The following PIGS variants were observed in gnomAD, a reference collection of about 807,000 sequenced individuals.
The protein encoded by PIGS is GPI-anchor transamidase component PIGS.
PIGS carries 37 observed loss-of-function variants against 58.2 expected under a neutral mutation model. The observed-to-expected ratio is 0.64, with a 90% CI of 0.49 to 0.84. The LOEUF is 0.84. Among genes scored for constraint, PIGS ranks in the 40% least tolerant of loss-of-function variants. The pLI, the probability that PIGS is intolerant of heterozygous loss-of-function variation, is 0.00. For synonymous variants in PIGS, 269 were observed against 289.2 expected (o/e 0.93, Z 0.71); for missense variants, 629 against 710.8 (o/e 0.88, Z 1.31).
At chr17:28,560,637 G>A (rs2070357953) in intron 6 of PIGS, among the ~76,000 whole-genome samples, 1 of 152,020 alleles carries the variant, frequency 6.6e-6, no homozygotes, top group South Asian at 2.1e-4. Context: ...AATTAGCTAG[G>A]CATGGTGGTG....
chr17:28,560,115 G>C lies in PIGS; in HGVS notation c.753C>G (p.Val251=). ...TCAGGAAAGGTTGCACATAGCGCCGGACAGCCCCCTCAATGTCCCAGTAGA... is the reference window on the plus strand; with the variant it reads ...TCAGGAAAGGTTGCACATAGCGCCGCACAGCCCCCTCAATGTCCCAGTAGA... The part of the protein sequence containing the change: ...HDVYWDIEGA[V]RRYVQPFLNA... Residue 251 remains valine, a synonymous_variant, in exon 7 of 12, where the codon GTC becomes GTG. Coordinates refer to ENST00000308360, the MANE Select transcript of PIGS (RefSeq NM_033198.4). 1.2e-6 allele frequency: 2 copies of C among 1,613,636 alleles called. No individual in the cohort carries two copies. The highest frequency in any genetic ancestry group is 1.7e-6 in the Non-Finnish European group (2 of 1,179,816).
intron 3 of PIGS, among the ~76,000 whole-genome samples, chr17:28,565,721 T>C (rs1255213930): frequency 6.6e-6 from 1 of 152,130 alleles, no homozygotes; most frequent in Non-Finnish European, 1.5e-5. Context: ...AGACCCCGTC[T>C]CTACAAAAAA....
At chr17:28,554,704 G>A in intron 11 of PIGS, 147 bp downstream of exon 11, 1 of 1,221,788 alleles carries the variant, frequency 8.2e-7, no homozygotes, top group African/African-American at 1.5e-5. Context: ...TTGGGGGCTG[G>A]TACTGCCGTC....
chr17:28,560,833 C>A (rs900619044), intron 6 of PIGS, among the ~76,000 whole-genome samples: 5 of 151,818 alleles, frequency 3.3e-5, no homozygotes, highest in African/African-American at 9.7e-5. Flanking sequence ...TGGCATGCAC[C>A]TGTAATCCTA....
At chr17:28,570,780 C>G (rs1048455136) in intron 3 of PIGS, 72 bp downstream of exon 3, 3 of 1,449,414 alleles carry the variant, frequency 2.1e-6, no homozygotes, top group Non-Finnish European at 1.9e-6. Context: ...GGTACACCCC[C>G]GCTCCTCCCA....
chr17:28,559,210 C>T (rs2070348206), intron 7 of PIGS, among the ~76,000 whole-genome samples: 1 of 151,720 alleles, frequency 6.6e-6, no homozygotes, highest in Non-Finnish European at 1.5e-5. Flanking sequence ...CTCCTAACCT[C>T]GTGATCCGCC....
At position 28,571,447 on chromosome 17, in the gene PIGS, C is replaced by T. The variant is rs1336258164; in HGVS notation, c.34+16G>A. ...CATCAGCTAGCTGCAGGCCCCCCAC[C>T]CGAAGCCCACCGCACCTAGGTGTGT... On this transcript the variant is annotated intron_variant, in intron 1 of 11. Transcript: ENST00000308360. 3.7e-6 allele frequency: 6 copies of T among 1,609,846 alleles called. No individual in the cohort carries two copies. The East Asian group carries it at 1.3e-4, about 36-fold the overall frequency.
At position 28,570,914 on chromosome 17, in the gene PIGS, G is replaced by T; in HGVS notation, c.224C>A (p.Pro75His). 1 of 1,614,202 alleles carries T rather than the reference G, an allele frequency of 6.2e-7. No individual in the cohort carries two copies. Among genetic ancestry groups the T allele is most frequent in the Non-Finnish European group, 8.5e-7 (1 of 1,180,044 alleles). ...GGGCAGCTTCTCCTGGTCGTCCAGGGGCACTGACTCCCGCGTAAACACGAC... is the reference window on the plus strand; with the variant it reads ...GGGCAGCTTCTCCTGGTCGTCCAGGTGCACTGACTCCCGCGTAAACACGAC... ...VTVVFTRESV[P>H]LDDQEKLPFT... The change falls in exon 3 of 12, where the codon CCC becomes CAC. Residue 75 changes from proline (P) to histidine (H), a missense_variant. Coordinates refer to ENST00000308360, the MANE Select transcript of PIGS (RefSeq NM_033198.4).
chr17:28,555,408 G>T, intron 10 of PIGS: 1 of 285,840 alleles, frequency 3.5e-6, no homozygotes, highest in Non-Finnish European at 6.6e-6. Flanking sequence ...TGGGGCCAAT[G>T]GGACTTAGCA....
intron 7 of PIGS, 43 bp from the exon 8 acceptor site, chr17:28,558,633 T>G (rs1428173651): frequency 1.4e-6 from 2 of 1,446,610 alleles, no homozygotes; most frequent in Non-Finnish European, 1.9e-6. Context: ...TAGATTTATA[T>G]TCTACTTTCT....
At chr17:28,556,319 C>G in intron 9 of PIGS, 53 bp from the exon 10 acceptor site, 2 of 1,328,456 alleles carry the variant, frequency 1.5e-6, no homozygotes, top group Non-Finnish European at 2.2e-6. Flanking sequence ...TTGCACAGCT[C>G]TGCCCTAGGC....
chr17:28,561,696 C>T (rs2070365799), intron 5 of PIGS, 67 bp from the exon 6 acceptor site: 5 of 1,495,432 alleles, frequency 3.3e-6, no homozygotes, highest in Non-Finnish European at 3.6e-6. Flanking sequence ...CACCCTGGCT[C>T]CTACTGTTCC....
Position 28,560,076 on chromosome 17 carries a change from G to A in PIGS, c.792C>T (p.Ala264=), listed in dbSNP as rs115528118. The A allele has an allele frequency of 3.8e-4, 609 of 1,612,046 alleles. 1 individual carries two copies. In the African/African-American group the frequency reaches 7.2e-3, roughly 19 times the overall value. The change falls in exon 7 of 12, where the codon GCC becomes GCT. Residue 264 remains alanine, a synonymous_variant. Coordinates refer to ENST00000308360, the MANE Select transcript of PIGS (RefSeq NM_033198.4). The part of the protein sequence containing the change: ...YVQPFLNALG[A]AGNFSVDSQI... ...GAGAGTCCACAGAGAAGTTGCCAGC[G>A]GCACCGAGGGCATTCAGGAAAGGTT...
At chr17:28,558,223 T>C (rs1326113605) in intron 8 of PIGS, among the ~76,000 whole-genome samples, 24 of 152,224 alleles carry the variant, frequency 1.6e-4, no homozygotes, top group Non-Finnish European at 1.5e-5. Flanking sequence ...GGAAGACCAC[T>C]TGAGTCCAGG....
intron 7 of PIGS, among the ~76,000 whole-genome samples, chr17:28,559,253 GCGTGAGCCGC>G (rs892921138): frequency 6.6e-6 from 1 of 151,990 alleles, no homozygotes; most frequent in African/African-American, 2.4e-5. Context: ...GGGATTACAG[GCGTGAGCCGC>G]CGCACCTGGC....
chr17:28,564,998 G>A (rs1295264905), intron 3 of PIGS, among the ~76,000 whole-genome samples: 2 of 152,146 alleles, frequency 1.3e-5, no homozygotes, highest in Non-Finnish European at 2.9e-5. Flanking sequence ...ATTCAGTATT[G>A]TTCTTTCTAA....
At chr17:28,570,405 G>A (rs1407659690) in intron 3 of PIGS, among the ~76,000 whole-genome samples, 1 of 152,208 alleles carries the variant, frequency 6.6e-6, no homozygotes, top group Admixed American at 6.5e-5. Flanking sequence ...CAGCTACTCG[G>A]GTGGCTGGTG....
intron 9 of PIGS, 88 bp from the exon 10 acceptor site, chr17:28,556,354 A>C (rs1384666597): frequency 9.9e-7 from 1 of 1,013,776 alleles, no homozygotes; most frequent in African/African-American, 1.6e-5. Context: ...AGGAAAACAT[A>C]TTCTGTGCTC....
Position 28,571,079 on chromosome 17 carries a change from G to A in PIGS, c.144C>T (p.Tyr48=), listed in dbSNP as rs1196025750. The A allele has an allele frequency of 1.2e-6, 2 of 1,614,048 alleles. No homozygotes were observed. The highest frequency in any genetic ancestry group is 1.3e-5 in the African/African-American group (1 of 74,928). ...GGGCATTCAGGCCACTGATCTGGGA[G>A]TAAGGCAACGAGGCCCGGTAGGTCT... ...TTETYRASLP[Y]SQISGLNALQ... Residue 48 remains tyrosine, a synonymous_variant, in exon 2 of 12, where the codon TAC becomes TAT. Coordinates refer to ENST00000308360, the MANE Select transcript of PIGS (RefSeq NM_033198.4).
Sources: allele counts gnomAD v4.1 joint callset (sites outside exome capture counted in the v4.1 genomes callset), GRCh38; gene constraint gnomAD v4.1.1; transcripts MANE v1.5; gene names NCBI Gene and HGNC (gene_info 2026-07-23, HGNC 2026-07-21).